The following ADARB2 variants were observed in gnomAD, a reference collection of about 807,000 sequenced individuals.
ADARB2 encodes the protein adenosine deaminase RNA specific B2 (inactive).
A neutral mutation model predicts 62.2 loss-of-function variants in ADARB2; 25 were observed. That is an observed-to-expected ratio of 0.40 (90% CI 0.29 to 0.56). The LOEUF is 0.56. Ranked by LOEUF, ADARB2 falls within the 20% of genes least tolerant of loss-of-function variation. The pLI is 0.43. For synonymous variants in ADARB2, 572 were observed against 500.8 expected, an observed-to-expected ratio of 1.14 and a Z score of -1.90; for missense variants, 1,071 against 1,077.4, an observed-to-expected ratio of 0.99 and a Z score of 0.08.
At position 1,517,074 on chromosome 10, in the gene ADARB2, G is replaced by A. The variant is rs140496103; in HGVS notation, c.101-137914C>T. 5.5e-3 allele frequency among the ~76,000 whole-genome samples: 835 copies of A among 152,332 alleles called. 2 individuals carry two copies. Among genetic ancestry groups the A allele is most frequent in the African/African-American group, 0.019 (781 of 41,586 alleles). On this transcript the variant is annotated intron_variant, in intron 1 of 9. Coordinates refer to ENST00000381312, the MANE Select transcript of ADARB2 (RefSeq NM_018702.4). ...CGTGGCGTCAGGCCGCCTGCTCACT[G>A]GAGGGAGGATTTCCATTAGAAAATT...
chr10:1,675,932 G>T, intron 1 of ADARB2: 1 of 918,790 alleles, frequency 1.1e-6, no homozygotes. Context: ...GGTCAGAGTT[G>T]AATCTGCTCA....
chr10:1,502,552 C>T (rs1368598785), intron 1 of ADARB2, among the ~76,000 whole-genome samples: 1 of 152,218 alleles, frequency 6.6e-6, no homozygotes, highest in Non-Finnish European at 1.5e-5. Context: ...ACTAAATTTA[C>T]TTGTGTTTGA....
At chr10:1,431,571 AAAAT>A (rs1426249122) in intron 1 of ADARB2, among the ~76,000 whole-genome samples, 7 of 152,196 alleles carry the variant, frequency 4.6e-5, no homozygotes, top group African/African-American at 1.7e-4. Context: ...AAAAACAAGA[AAAAT>A]AAACCCAAAG....
At chr10:1,657,980 A>C (rs1329457799) in intron 1 of ADARB2, among the ~76,000 whole-genome samples, 3 of 84,088 alleles carry the variant, frequency 3.6e-5, no homozygotes, top group African/African-American at 1.1e-4. Flanking sequence ...TCTCTATCTC[A>C]GTCTCTCTCT....
chr10:1,328,470 G>C (rs748177536), intron 3 of ADARB2, among the ~76,000 whole-genome samples: 1 of 152,176 alleles, frequency 6.6e-6, no homozygotes, highest in Non-Finnish European at 1.5e-5. Flanking sequence ...AATCAACCAC[G>C]TAACGTTCAG....
intron 1 of ADARB2, among the ~76,000 whole-genome samples, chr10:1,624,421 G>A (rs1833742344): frequency 6.6e-6 from 1 of 152,162 alleles, no homozygotes; most frequent in Non-Finnish European, 1.5e-5. Flanking sequence ...GTGGCTCCGA[G>A]CACAGCCCCA....
At chr10:1,294,583 C>G (rs1366709023) in intron 3 of ADARB2, among the ~76,000 whole-genome samples, 3 of 152,144 alleles carry the variant, frequency 2.0e-5, no homozygotes, top group Non-Finnish European at 4.4e-5. Flanking sequence ...GACCCTAGGA[C>G]TTCTCCGGCT....
At chr10:1,698,223 T>C (rs1046887995) in intron 1 of ADARB2, among the ~76,000 whole-genome samples, 1 of 152,210 alleles carries the variant, frequency 6.6e-6, no homozygotes, top group African/African-American at 2.4e-5. Context: ...TTTTTCTCTT[T>C]CTTATGAACA....
At chr10:1,283,619 T>G (rs2131806366) in intron 3 of ADARB2, among the ~76,000 whole-genome samples, 1 of 152,324 alleles carries the variant, frequency 6.6e-6, no homozygotes, top group Non-Finnish European at 1.5e-5. Flanking sequence ...TGTGGCTTAT[T>G]GGTGGAGTGT....
chr10:1,591,724 C>G (rs1040968701), intron 1 of ADARB2, among the ~76,000 whole-genome samples: 1 of 152,082 alleles, frequency 6.6e-6, no homozygotes, highest in African/African-American at 2.4e-5. Flanking sequence ...TCTTGTTGGA[C>G]GAGGTGGCAG....
chr10:1,422,664 G>T (rs1352452417), intron 1 of ADARB2, among the ~76,000 whole-genome samples: 1 of 152,208 alleles, frequency 6.6e-6, no homozygotes, highest in Non-Finnish European at 1.5e-5. Flanking sequence ...TTGACACAGT[G>T]CCTCAGTTAT....
intron 1 of ADARB2, among the ~76,000 whole-genome samples, chr10:1,563,752 G>T (rs1832820155): frequency 6.8e-6 from 1 of 147,550 alleles, no homozygotes; most frequent in South Asian, 2.3e-4. Context: ...CTAGCATTAG[G>T]TATATCTCCC....
intron 1 of ADARB2, among the ~76,000 whole-genome samples, chr10:1,662,419 C>A (rs1456821823): frequency 6.6e-6 from 1 of 152,124 alleles, no homozygotes; most frequent in Non-Finnish European, 1.5e-5. Context: ...CCCCATGGAC[C>A]CCTTCCCCCA....
At chr10:1,310,654 C>T (rs556834318) in intron 3 of ADARB2, among the ~76,000 whole-genome samples, 5 of 152,130 alleles carry the variant, frequency 3.3e-5, no homozygotes, top group African/African-American at 9.6e-5. Context: ...GCGCTCCAGT[C>T]GGGACTAGGT....
intron 1 of ADARB2, among the ~76,000 whole-genome samples, chr10:1,729,614 T>C (rs1835207361): frequency 6.6e-6 from 1 of 152,236 alleles, no homozygotes; most frequent in Non-Finnish European, 1.5e-5. Flanking sequence ...ATACTTCCGG[T>C]GGACTTAAAC....
intron 1 of ADARB2, among the ~76,000 whole-genome samples, chr10:1,531,578 G>A (rs914176158): frequency 1.3e-5 from 2 of 152,176 alleles, no homozygotes; most frequent in South Asian, 2.1e-4. Flanking sequence ...GGTGGCTCAC[G>A]CCTGTAATCC....
At position 1,241,088 on chromosome 10, in the gene ADARB2, G is replaced by A. The variant is rs143531768; in HGVS notation, c.1361+1043C>T. ...GAGTTTGACAACGTGATGAAACCCC[G>A]TCTCTACTAAAAATACAAAAATTAG... On this transcript the variant is annotated intron_variant, in intron 5 of 9. Transcript: ENST00000381312. 2.9e-3 allele frequency among the ~76,000 whole-genome samples: 435 copies of A among 152,198 alleles called. 2 individuals are homozygous for A. Among genetic ancestry groups the A allele is most frequent in the African/African-American group, 9.9e-3 (411 of 41,520 alleles).
chr10:1,435,123 C>G (rs536685354), intron 1 of ADARB2, among the ~76,000 whole-genome samples: 100 of 152,248 alleles, frequency 6.6e-4, no homozygotes, highest in Non-Finnish European at 1.2e-3. Flanking sequence ...AGAACCCACC[C>G]TGGCCCGAGG....
intron 1 of ADARB2, among the ~76,000 whole-genome samples, chr10:1,543,254 G>A (rs1319922693): frequency 2.0e-5 from 3 of 152,246 alleles, no homozygotes; most frequent in Non-Finnish European, 2.9e-5. Flanking sequence ...TCATCTGGAG[G>A]GCTGCGCCAG....
Sources: allele counts gnomAD v4.1 joint callset (sites outside exome capture counted in the v4.1 genomes callset), GRCh38; gene constraint gnomAD v4.1.1; transcripts MANE v1.5; gene names NCBI Gene and HGNC (gene_info 2026-07-23, HGNC 2026-07-21).